CHST15: variants seen among roughly 807,000 people sequenced by gnomAD.
CHST15 encodes B cell RAG associated protein (GALNAC4S-6ST).
CHST15 carries 30 observed loss-of-function variants against 53.6 expected under a neutral mutation model. The ratio of observed to expected loss-of-function variants is 0.56; its 90% confidence interval spans 0.42 to 0.76. The LOEUF (loss-of-function observed/expected upper bound fraction) is 0.76, where lower values mean the gene tolerates loss of function less well. Ranked by LOEUF, CHST15 falls within the 30% of genes least tolerant of loss-of-function variation. The pLI, the probability that CHST15 is intolerant of heterozygous loss-of-function variation, is 0.00. For synonymous variants in CHST15, 296 were observed against 289.8 expected, an observed-to-expected ratio of 1.02 and a Z score of -0.22; for missense variants, 627 against 740.5, an observed-to-expected ratio of 0.85 and a Z score of 1.78.
chr10:124,046,161 T>C lies in CHST15; in HGVS notation c.52A>G (p.Lys18Glu). The C allele has an allele frequency of 6.2e-7, 1 of 1,613,972 alleles. No individual in the cohort carries two copies. The highest frequency in any genetic ancestry group is 8.5e-7 in the Non-Finnish European group (1 of 1,179,944). The change falls in exon 2 of 8, where the codon AAG (lysine) becomes GAG (glutamate). Residue 18 changes from lysine to glutamate, a missense_variant. Lys to Glu is a moderately conservative substitution (Grantham distance 56). This residue lies in a region of CHST15 where 187 missense variants were observed against 251.8 expected (regional missense o/e 0.74). Transcript: ENST00000435907. ...CCCCCTTGGCAGTTGACCTGCTGCT[T>C]GTGTGCGCCGTCGGGTAACAGCTGT... is the stretch of plus-strand genomic sequence containing the variant. ...CIQLLPDGAH[K>E]QQVNCQGGPH...
At position 124,083,933 on chromosome 10, in the gene CHST15, C is replaced by T. The variant is rs373700219; in HGVS notation, c.-513+9536G>A. The stretch of plus-strand genomic sequence containing the variant: ...CACAGGCGAGGAAGTGGTAAGCCTC[C>T]GCAGTTCAACACGCCCAGAGCTCAG... On this transcript the variant is annotated intron_variant, in intron 1 of 7. Transcript: ENST00000435907. Among the ~76,000 whole-genome samples, 18 of 152,290 alleles carry T rather than the reference C, an allele frequency of 1.2e-4. No individual in the cohort carries two copies. The South Asian group carries it at 2.9e-3, about 25-fold the overall frequency.
Position 124,045,899 on chromosome 10 carries a change from A to AG in CHST15, c.313dup (p.Leu105ProfsTer26). ...GTAATGGAAAGGTGATGAGATCAGAAGCTCTTGGTGGGCCCCAGAAAGGAT... is the reference window on the plus strand; with the variant it reads ...GTAATGGAAAGGTGATGAGATCAGAAGGCTCTTGGTGGGCCCCAGAAAGGAT... On this transcript the variant is annotated frameshift_variant, in exon 2 of 8. Coordinates refer to ENST00000435907, the MANE Select transcript of CHST15 (RefSeq NM_001270764.2). LOFTEE classifies it high-confidence loss of function. 1 of 1,614,010 alleles carries AG rather than the reference A, an allele frequency of 6.2e-7. No homozygotes were observed. The highest frequency in any genetic ancestry group is 8.5e-7 in the Non-Finnish European group (1 of 1,179,958).
intron 4 of CHST15, among the ~76,000 whole-genome samples, chr10:124,039,898 A>G (rs574670774): frequency 6.6e-6 from 1 of 152,232 alleles, no homozygotes; most frequent in Non-Finnish European, 1.5e-5. Context: ...GGAGAGACTG[A>G]GCCAGATGAC....
intron 5 of CHST15, among the ~76,000 whole-genome samples, chr10:124,021,656 C>T (rs561948798): frequency 3.3e-5 from 5 of 152,258 alleles, no homozygotes; most frequent in Non-Finnish European, 7.4e-5. Context: ...AACCACCAGC[C>T]GCTTTTATGG....
At chr10:124,011,769 T>C (rs1946424355) in intron 7 of CHST15, 1 of 985,426 alleles carries the variant, frequency 1.0e-6, no homozygotes, top group Non-Finnish European at 1.2e-6. Flanking sequence ...CCAGCATCCA[T>C]GATCAGCAGC....
rs1437825802 is a variant in CHST15, at chr10:124,010,179, C to T, written c.1656G>A (p.Ala552=). 6.2e-7 allele frequency: 1 copy of T among 1,613,392 alleles called. No homozygotes were observed. The highest frequency in any genetic ancestry group is 1.7e-5 in the Admixed American group (1 of 60,012). The change falls in exon 8 of 8, where the codon GCG becomes GCA. Residue 552 remains alanine, a synonymous_variant. Transcript: ENST00000435907. ...TCGTCTTCCACGCAAACGCCTCATC[C>T]GCGAGGACCTGCGCCAGCCTAGCGT... The part of the protein sequence containing the change: ...PFNARLAQVL[A]DEAFAWKTT
rs117629947 is a variant in CHST15, at chr10:124,053,181, C to T, written c.-512-6457G>A. 5.3e-5 allele frequency among the ~76,000 whole-genome samples: 8 copies of T among 152,332 alleles called. No homozygotes were observed. The East Asian group carries it at 1.5e-3, about 29-fold the overall frequency. On this transcript the variant is annotated intron_variant, in intron 1 of 7. Transcript: ENST00000435907. ...ATTGGTCTCAATTTTTTCTTCTTCC[C>T]ATGTTCACATTCTTTGCCACTTTGG... is the stretch of plus-strand genomic sequence containing the variant.
intron 1 of CHST15, among the ~76,000 whole-genome samples, chr10:124,086,726 G>A (rs1949441906): frequency 6.6e-6 from 1 of 151,930 alleles, no homozygotes; most frequent in Non-Finnish European, 1.5e-5. Context: ...AGAAAAAAGT[G>A]ATTCCATGTG....
intron 5 of CHST15, among the ~76,000 whole-genome samples, chr10:124,033,214 T>C (rs1564866327): frequency 1.3e-5 from 2 of 152,268 alleles, no homozygotes; most frequent in South Asian, 2.1e-4. Flanking sequence ...AGACAGGCCA[T>C]GGGTCATGGG....
intron 1 of CHST15, among the ~76,000 whole-genome samples, chr10:124,058,596 CT>C (rs758799780): frequency 1.2e-4 from 19 of 152,226 alleles, no homozygotes; most frequent in Non-Finnish European, 1.8e-4. Context: ...GAACTCAAGG[CT>C]CACAGTGGAG....
chr10:124,044,732 C>T lies in CHST15; in HGVS notation c.734G>A (p.Gly245Glu), dbSNP rs780782529. 20 of 1,613,558 alleles carry T rather than the reference C, an allele frequency of 1.2e-5. No homozygotes were observed. The Middle Eastern group carries it at 6.6e-4, about 53-fold the overall frequency. Residue 245 changes from glycine (G) to glutamate (E), a missense_variant, in exon 3 of 8, where the codon GGG becomes GAG. Physicochemically the swap from Gly to Glu is moderately conservative, Grantham distance 98. Coordinates refer to ENST00000435907, the MANE Select transcript of CHST15 (RefSeq NM_001270764.2). ...AFWGHLAHAH[G>E]KHFRLRCLPH... ...CAGGCAGCGCAGGCGGAAGTGCTTCCCGTGCGCGTGCGCCAGGTGGCCCCA... is the reference window on the plus strand; with the variant it reads ...CAGGCAGCGCAGGCGGAAGTGCTTCTCGTGCGCGTGCGCCAGGTGGCCCCA...
In CHST15 at chr10:124,019,931, G is replaced by A. The variant is rs893366818; in HGVS notation, c.1347+1325C>T. On this transcript the variant is annotated intron_variant, in intron 6 of 7. Transcript: ENST00000435907. The surrounding 1 kb of genome is among the most constrained non-coding windows in gnomAD (Gnocchi z 4.6). Reference sequence around the variant, plus strand: ...TGCTGACCACTGGGCCTCTGCACACGCTGCTCTCAGTTCCCTGGCCAACTC... The same window carrying A: ...TGCTGACCACTGGGCCTCTGCACACACTGCTCTCAGTTCCCTGGCCAACTC... The A allele has an allele frequency of 1.0e-5, 10 of 985,782 alleles. No individual in the cohort carries two copies. The highest frequency in any genetic ancestry group is 9.6e-6 in the Non-Finnish European group (8 of 830,336). The allele number at this position is 985,782 out of a possible 1,614,324, so 61.1% of individuals were successfully genotyped here. A position where few individuals can be genotyped will look rare whatever the true frequency, so the allele number is the denominator to read the frequency against.
rs753266769 is a variant in CHST15, at chr10:124,039,908, CTG to C, written c.1034-1239_1034-1238del. Reference sequence around the variant, plus strand: ...TCTGGGGAGAGACTGAGCCAGATGACTGAGTCTCTTTGGTCAGTGACAAGTGT... The same window carrying C: ...TCTGGGGAGAGACTGAGCCAGATGACAGTCTCTTTGGTCAGTGACAAGTGT... On this transcript the variant is annotated intron_variant, in intron 4 of 7. Coordinates refer to ENST00000435907, the MANE Select transcript of CHST15 (RefSeq NM_001270764.2). Among the ~76,000 whole-genome samples the C allele has an allele frequency of 2.2e-4, 34 of 152,352 alleles. No individual in the cohort carries two copies. In the East Asian group the frequency reaches 4.8e-3, roughly 22 times the overall value.
intron 1 of CHST15, among the ~76,000 whole-genome samples, chr10:124,065,180 T>A (rs574073988): frequency 1.3e-5 from 2 of 152,054 alleles, no homozygotes; most frequent in Non-Finnish European, 2.9e-5. Context: ...GCCCAGGAGT[T>A]CAAGACCAGC....
rs1265801884 is a variant in CHST15 at position 124,009,989 on chromosome 10, C to G, written c.*160G>C. The G allele has an allele frequency of 2.0e-6, 3 of 1,470,366 alleles. No individual in the cohort carries two copies. The highest frequency in any genetic ancestry group is 2.4e-5 in the East Asian group (1 of 40,884). The allele number at this position is 1,470,366 out of a possible 1,614,324, so 91.1% of individuals were successfully genotyped here. On this transcript the variant is annotated 3_prime_UTR_variant, in exon 8 of 8. Transcript: ENST00000435907. ...TCCATTGCTGAGCTCTCGAACATCA[C>G]GAAGGAAATTCCAAAATGGTTATAA...
At chr10:124,027,177 G>A (rs376112803) in intron 5 of CHST15, among the ~76,000 whole-genome samples, 5 of 152,174 alleles carry the variant, frequency 3.3e-5, no homozygotes, top group African/African-American at 1.2e-4. Flanking sequence ...GGCTGTCGGC[G>A]CGGCCCCTCA....
chr10:124,022,802 T>G (rs1946834688), intron 5 of CHST15, among the ~76,000 whole-genome samples: 1 of 150,356 alleles, frequency 6.7e-6, no homozygotes, highest in South Asian at 2.1e-4. Flanking sequence ...GCCCTGCTCC[T>G]TGGCATTTCT....
chr10:124,087,410 T>C (rs1195257974), intron 1 of CHST15, among the ~76,000 whole-genome samples: 1 of 152,022 alleles, frequency 6.6e-6, no homozygotes, highest in Non-Finnish European at 1.5e-5. Context: ...CAAGAGAAAA[T>C]GCTAAGCCAC....
intron 4 of CHST15, among the ~76,000 whole-genome samples, chr10:124,041,569 T>C (rs1232111304): frequency 6.6e-6 from 1 of 152,184 alleles, no homozygotes; most frequent in Non-Finnish European, 1.5e-5. Flanking sequence ...CAAAGGTAAC[T>C]GTGAAAAAAA....
Sources: gnomAD v4.1 joint callset for allele counts (sites outside exome capture counted in the v4.1 genomes callset) on GRCh38, gnomAD v4.1.1 for gene constraint, gnomAD v4.1.1 regional missense constraint, Gnocchi (gnomAD v3.1) non-coding constraint, MANE v1.5 for transcripts, NCBI Gene and HGNC (gene_info 2026-07-23, HGNC 2026-07-21) for gene names.